SYT16: variants seen among roughly 807,000 people sequenced by gnomAD.
SYT16 encodes synaptotagmin-16.
A neutral mutation model predicts 61.4 loss-of-function variants in SYT16; 42 were observed. That is an observed-to-expected ratio of 0.68 (90% CI 0.53 to 0.89). SYT16 has a LOEUF of 0.89. Ranked by LOEUF, SYT16 falls within the 40% of genes least tolerant of loss-of-function variation. The pLI is 0.00. For synonymous variants in SYT16, 314 were observed against 302.3 expected, an observed-to-expected ratio of 1.04 and a Z score of -0.40; for missense variants, 804 against 807.3, an observed-to-expected ratio of 1.00 and a Z score of 0.05.
At chr14:61,916,551 A>G (rs1008713596) in intron 1 of SYT16, among the ~76,000 whole-genome samples, 3 of 152,178 alleles carry the variant, frequency 2.0e-5, no homozygotes, top group African/African-American at 7.2e-5. Flanking sequence ...TGATTCAGAT[A>G]TCTATCACCT....
At chr14:61,924,651 A>G (rs771348481) in intron 1 of SYT16, among the ~76,000 whole-genome samples, 9 of 152,090 alleles carry the variant, frequency 5.9e-5, no homozygotes, top group Non-Finnish European at 1.0e-4. Flanking sequence ...TCATACTACC[A>G]TGTTTTTCTT....
chr14:61,880,275 A>C (rs1230603751), intron 1 of SYT16, among the ~76,000 whole-genome samples: 17 of 152,224 alleles, frequency 1.1e-4, no homozygotes, highest in Admixed American at 1.1e-3. Flanking sequence ...ATCATGTAAT[A>C]AACTTCCATA....
intron 3 of SYT16, among the ~76,000 whole-genome samples, chr14:62,065,400 G>T (rs781103169): frequency 3.0e-4 from 46 of 152,078 alleles, no homozygotes; most frequent in Admixed American, 7.9e-4. Context: ...GTCCCAAGAA[G>T]GTAGCTGGTA....
chr14:61,992,786 C>T (rs2052606387), intron 2 of SYT16, among the ~76,000 whole-genome samples: 1 of 152,002 alleles, frequency 6.6e-6, no homozygotes, highest in Non-Finnish European at 1.5e-5. Flanking sequence ...TTGTAAACAA[C>T]AGGGAGAGGT....
intron 1 of SYT16, among the ~76,000 whole-genome samples, chr14:61,855,042 C>T (rs1594764497): frequency 6.6e-6 from 1 of 152,094 alleles, no homozygotes; most frequent in East Asian, 1.9e-4. Flanking sequence ...TATATGAGTA[C>T]CTTATCTACA....
rs144335298 is a variant in SYT16 at position 61,822,240 on chromosome 14, C to T, written c.-325+9430C>T. Among the ~76,000 whole-genome samples, 675 of 152,296 alleles carry T rather than the reference C, an allele frequency of 4.4e-3. 3 individuals are homozygous for T. The highest frequency in any genetic ancestry group is 7.3e-3 in the Non-Finnish European group (495 of 68,036). On this transcript the variant is annotated intron_variant, in intron 1 of 7. Transcript: ENST00000683842. ...AAAAGCTGAAGAACCTGGAGTCTCACGTCCAAGGGCAGGAGGAGAAAGTCC... is the reference window on the plus strand; with the variant it reads ...AAAAGCTGAAGAACCTGGAGTCTCATGTCCAAGGGCAGGAGGAGAAAGTCC...
At chr14:61,881,216 A>G (rs1459224632) in intron 1 of SYT16, among the ~76,000 whole-genome samples, 1 of 152,156 alleles carries the variant, frequency 6.6e-6, no homozygotes, top group Non-Finnish European at 1.5e-5. Context: ...TAACATACAA[A>G]TGTGCTTTGC....
At chr14:61,838,842 G>T (rs1031608763) in intron 1 of SYT16, among the ~76,000 whole-genome samples, 11 of 152,124 alleles carry the variant, frequency 7.2e-5, no homozygotes, top group Non-Finnish European at 1.5e-4. Context: ...TTAATATCTC[G>T]ATGAATCATC....
intron 1 of SYT16, among the ~76,000 whole-genome samples, chr14:61,964,898 C>CTT (rs377488291): frequency 0.022 from 3,140 of 143,322 alleles, 55 homozygotes; most frequent in South Asian, 0.031. Context: ...TGATTTTTAG[C>CTT]TTTTTTTTTT....
Position 62,102,985 on chromosome 14 carries a change from A to G in SYT16, c.*2278A>G, listed in dbSNP as rs561484152. 11 of 152,248 alleles carry G rather than the reference A, an allele frequency of 7.2e-5. No individual in the cohort carries two copies. The South Asian group carries it at 2.3e-3, about 32-fold the overall frequency. 9.4% of individuals were successfully genotyped at this position (152,248 alleles called of 1,614,324 possible). ...GAAGGAATGCCTGAAAACATTTTTT[A>G]TTTTTATAATTTTACTATGTTGGTG... is the stretch of plus-strand genomic sequence containing the variant. On this transcript the variant is annotated 3_prime_UTR_variant, in exon 8 of 8. Coordinates refer to ENST00000683842, the MANE Select transcript of SYT16 (RefSeq NM_001367656.1).
intron 1 of SYT16, among the ~76,000 whole-genome samples, chr14:61,935,381 T>C (rs1235797099): frequency 2.6e-5 from 4 of 152,230 alleles, no homozygotes; most frequent in African/African-American, 9.6e-5. Context: ...GGTCTTTGCA[T>C]ATTTTTTCAT....
chr14:61,898,671 T>C (rs905710220), intron 1 of SYT16, among the ~76,000 whole-genome samples: 4 of 151,958 alleles, frequency 2.6e-5, no homozygotes, highest in African/African-American at 7.3e-5. Flanking sequence ...GAGCTGAGAG[T>C]GTACACTTGA....
At chr14:61,847,333 T>TA (rs2046474460) in intron 1 of SYT16, among the ~76,000 whole-genome samples, 1 of 152,204 alleles carries the variant, frequency 6.6e-6, no homozygotes, top group African/African-American at 2.4e-5. Context: ...TATTCTATGG[T>TA]AAAAGTCTTT....
intron 1 of SYT16, among the ~76,000 whole-genome samples, chr14:61,816,222 A>G (rs1160158411): frequency 6.6e-6 from 1 of 151,966 alleles, no homozygotes; most frequent in Non-Finnish European, 1.5e-5. Flanking sequence ...TCTTGTTGGC[A>G]ACCTGCAGTT....
At chr14:61,984,949 G>T (rs1389881486) in intron 2 of SYT16, among the ~76,000 whole-genome samples, 1 of 152,082 alleles carries the variant, frequency 6.6e-6, no homozygotes, top group East Asian at 1.9e-4. Flanking sequence ...GGGTCACTTT[G>T]GCTCGGTAGA....
intron 3 of SYT16, among the ~76,000 whole-genome samples, chr14:62,007,742 G>C (rs181752738): frequency 1.8e-4 from 28 of 152,088 alleles, no homozygotes; most frequent in African/African-American, 5.8e-4. Context: ...CATTTTGAAG[G>C]ACAGATTCAA....
At chr14:61,921,989 G>T (rs552043294) in intron 1 of SYT16, among the ~76,000 whole-genome samples, 12 of 152,230 alleles carry the variant, frequency 7.9e-5, no homozygotes, top group African/African-American at 2.4e-4. Flanking sequence ...GTGGGCCCAG[G>T]GTTCTTATGT....
intron 1 of SYT16, among the ~76,000 whole-genome samples, chr14:61,966,718 CATT>C (rs1316666397): frequency 6.6e-6 from 1 of 152,106 alleles, no homozygotes; most frequent in Admixed American, 6.6e-5. Context: ...TAATTAATGA[CATT>C]ATAAGATGAA....
chr14:61,916,674 A>C (rs936003487), intron 1 of SYT16, among the ~76,000 whole-genome samples: 1 of 152,154 alleles, frequency 6.6e-6, no homozygotes, highest in African/African-American at 2.4e-5. Flanking sequence ...GCTATCGAAC[A>C]GTGGAACCTA....
Sources: gnomAD v4.1 joint callset for allele counts (sites outside exome capture counted in the v4.1 genomes callset) on GRCh38, gnomAD v4.1.1 for gene constraint, MANE v1.5 for transcripts, NCBI Gene and HGNC (gene_info 2026-07-23, HGNC 2026-07-21) for gene names.